Variants in CPQ observed in about 807,000 individuals in gnomAD.
CPQ encodes carboxypeptidase Q, also known as Ser-Met dipeptidase.
In CPQ, 37 loss-of-function variants were observed where a neutral mutation model predicts 45.7. That is an observed-to-expected ratio of 0.81 (90% CI 0.62 to 1.07). CPQ has a LOEUF of 1.07. Among genes scored for constraint, CPQ ranks in the 50% least tolerant of loss-of-function variants. The pLI, the probability that CPQ is intolerant of heterozygous loss-of-function variation, is 0.00. For synonymous variants in CPQ, 186 were observed against 205.8 expected (o/e 0.90, Z 0.82); for missense variants, 537 against 572.9 (o/e 0.94, Z 0.64).
intron 5 of CPQ, among the ~76,000 whole-genome samples, chr8:97,017,217 G>A (rs1809596611): frequency 6.6e-6 from 1 of 152,186 alleles, no homozygotes; most frequent in Non-Finnish European, 1.5e-5. Flanking sequence ...AGAGGGCCGA[G>A]CAAAATATGG....
At chr8:96,670,072 C>T (rs1808981067) in intron 1 of CPQ, among the ~76,000 whole-genome samples, 2 of 152,188 alleles carry the variant, frequency 1.3e-5, no homozygotes, top group Non-Finnish European at 2.9e-5. Flanking sequence ...TTATCGCACA[C>T]ACATGTTTTC....
At chr8:97,043,853 G>T (rs765287000) in intron 6 of CPQ, among the ~76,000 whole-genome samples, 1 of 152,170 alleles carries the variant, frequency 6.6e-6, no homozygotes, top group Non-Finnish European at 1.5e-5. Context: ...CGAGAGATCC[G>T]CTGTTAGTCT....
At chr8:96,926,594 T>C (rs533942336) in intron 4 of CPQ, among the ~76,000 whole-genome samples, 15 of 138,948 alleles carry the variant, frequency 1.1e-4, no homozygotes, top group African/African-American at 3.8e-4. Context: ...CTTCTTCTTC[T>C]TCTTCTTCTT....
intron 1 of CPQ, among the ~76,000 whole-genome samples, chr8:96,698,197 A>G (rs563944979): frequency 1.3e-5 from 2 of 152,274 alleles, no homozygotes; most frequent in East Asian, 3.9e-4. Flanking sequence ...AAATCTATAC[A>G]TCTATGGTGA....
At chr8:96,878,002 G>A (rs1222343293) in intron 3 of CPQ, among the ~76,000 whole-genome samples, 3 of 151,390 alleles carry the variant, frequency 2.0e-5, no homozygotes, top group Non-Finnish European at 4.4e-5. Context: ...TCGCTCTGTC[G>A]CCCAGGCTGG....
chr8:96,654,076 G>T (rs959845446), intron 1 of CPQ, among the ~76,000 whole-genome samples: 1 of 152,112 alleles, frequency 6.6e-6, no homozygotes, highest in South Asian at 2.1e-4. Flanking sequence ...TAATCAGAAC[G>T]CTTCTGCCAG....
At chr8:96,754,009 G>A (rs1391384633) in intron 1 of CPQ, among the ~76,000 whole-genome samples, 1 of 151,834 alleles carries the variant, frequency 6.6e-6, no homozygotes, top group East Asian at 1.9e-4. Flanking sequence ...GTGATGCAAT[G>A]TGTTATATTA....
At position 96,965,683 on chromosome 8, in the gene CPQ, A is replaced by C. The variant is rs111883226; in HGVS notation, c.850-252A>C. Among the ~76,000 whole-genome samples the C allele has an allele frequency of 5.9e-5, 9 of 152,148 alleles. 1 individual carries two copies. Among genetic ancestry groups the C allele is most frequent in the African/African-American group, 2.2e-4 (9 of 41,454 alleles). On this transcript the variant is annotated intron_variant, in intron 4 of 7. Coordinates refer to ENST00000220763, the MANE Select transcript of CPQ (RefSeq NM_016134.4). ...CGCACCCGGCCAAGCCAATTTCTTT[A>C]GTAGTCAAAATTATATTAATAAAGA...
At chr8:96,778,834 A>T (rs1017594562) in intron 1 of CPQ, among the ~76,000 whole-genome samples, 2 of 152,120 alleles carry the variant, frequency 1.3e-5, no homozygotes, top group African/African-American at 2.4e-5. Context: ...TGGGAGGCTG[A>T]TGGGGGTGGA....
At chr8:96,700,493 T>C (rs559269255) in intron 1 of CPQ, among the ~76,000 whole-genome samples, 1 of 152,232 alleles carries the variant, frequency 6.6e-6, no homozygotes, top group African/African-American at 2.4e-5. Context: ...AGTTGTCTCT[T>C]GTTTTGAGGG....
intron 3 of CPQ, among the ~76,000 whole-genome samples, chr8:96,842,928 G>A (rs148090968): frequency 5.9e-5 from 9 of 152,250 alleles, no homozygotes; most frequent in African/African-American, 2.2e-4. Flanking sequence ...TTCTGAGGCA[G>A]AGTTTTGCTC....
At chr8:96,974,336 A>T (rs1173609516) in intron 5 of CPQ, among the ~76,000 whole-genome samples, 1 of 152,200 alleles carries the variant, frequency 6.6e-6, no homozygotes, top group Non-Finnish European at 1.5e-5. Flanking sequence ...TTCTAAATAT[A>T]TATGCACCTA....
At chr8:97,112,162 A>T (rs1157226176) in intron 7 of CPQ, among the ~76,000 whole-genome samples, 115 of 141,446 alleles carry the variant, frequency 8.1e-4, no homozygotes, top group East Asian at 1.8e-3. Flanking sequence ...TTTTTTTTTT[A>T]TTTTTTTTTT....
chr8:96,815,684 G>A (rs1811218287), intron 2 of CPQ, among the ~76,000 whole-genome samples: 2 of 152,124 alleles, frequency 1.3e-5, no homozygotes, highest in South Asian at 4.2e-4. Context: ...AATTCCTTGA[G>A]GACTAGGCAA....
intron 3 of CPQ, among the ~76,000 whole-genome samples, chr8:96,842,330 T>G (rs1055260918): frequency 6.6e-6 from 1 of 152,312 alleles, no homozygotes; most frequent in East Asian, 1.9e-4. Flanking sequence ...TTTTGAAATA[T>G]CATTGCAATT....
At chr8:96,742,990 T>G (rs1490190711) in intron 1 of CPQ, among the ~76,000 whole-genome samples, 1 of 152,176 alleles carries the variant, frequency 6.6e-6, no homozygotes, top group East Asian at 1.9e-4. Context: ...CTTTGTGGTG[T>G]TCTCTGTATT....
intron 5 of CPQ, among the ~76,000 whole-genome samples, chr8:96,966,744 T>G (rs764157559): frequency 1.3e-5 from 2 of 152,228 alleles, no homozygotes; most frequent in Non-Finnish European, 2.9e-5. Flanking sequence ...TACAGGGTCA[T>G]TTTGTTAAAG....
chr8:96,843,626 G>C (rs1811646575), intron 3 of CPQ, among the ~76,000 whole-genome samples: 1 of 152,096 alleles, frequency 6.6e-6, no homozygotes, highest in African/African-American at 2.4e-5. Context: ...TACTCATCTG[G>C]GTATCGCCAG....
intron 2 of CPQ, among the ~76,000 whole-genome samples, chr8:96,814,033 CATAT>C (rs949195672): frequency 6.6e-6 from 1 of 150,846 alleles, no homozygotes; most frequent in Non-Finnish European, 1.5e-5. Context: ...TATATATGCA[CATAT>C]ATATATATAG....
Sources: gnomAD v4.1 joint callset for allele counts (sites outside exome capture counted in the v4.1 genomes callset) on GRCh38, gnomAD v4.1.1 for gene constraint, MANE v1.5 for transcripts, NCBI Gene and HGNC (gene_info 2026-07-23, HGNC 2026-07-21) for gene names.